Variants in CREB5 observed in about 807,000 individuals in gnomAD.
CREB5 encodes the protein cAMP responsive element binding protein 5.
CREB5 carries 19 observed loss-of-function variants against 57.1 expected under a neutral mutation model. The observed-to-expected ratio is 0.33, with a 90% CI of 0.23 to 0.49. The LOEUF (loss-of-function observed/expected upper bound fraction) is 0.49, where lower values mean the gene tolerates loss of function less well. CREB5 is among the 20% of genes least tolerant of loss of function. The probability of loss-of-function intolerance (pLI) is 0.99; values close to 1 mark genes in which losing one functional copy is unlikely to be tolerated. For missense variants in CREB5, 579 were observed against 671.6 expected, an observed-to-expected ratio of 0.86 and a Z score of 1.52; for synonymous variants, 238 against 238.3, an observed-to-expected ratio of 1.00 and a Z score of 0.01.
intron 6 of CREB5, among the ~76,000 whole-genome samples, chr7:28,720,867 AT>A (rs1802996074): frequency 6.6e-6 from 1 of 152,190 alleles, no homozygotes; most frequent in Non-Finnish European, 1.5e-5. Flanking sequence ...GCCCAGAAAA[AT>A]ACCACTGCAG....
intron 1 of CREB5, among the ~76,000 whole-genome samples, chr7:28,464,290 G>A (rs756981658): frequency 3.3e-5 from 5 of 152,058 alleles, no homozygotes; most frequent in African/African-American, 4.8e-5. Context: ...AAATATTGCT[G>A]TGTATTTTCT....
intron 1 of CREB5, among the ~76,000 whole-genome samples, chr7:28,391,646 A>T (rs1383800899): frequency 6.6e-6 from 1 of 152,178 alleles, no homozygotes; most frequent in Non-Finnish European, 1.5e-5. Flanking sequence ...GGTGACAGCC[A>T]CCTATATAAT....
intron 4 of CREB5, among the ~76,000 whole-genome samples, chr7:28,537,810 T>G (rs780757951): frequency 1.3e-5 from 2 of 152,194 alleles, no homozygotes; most frequent in Non-Finnish European, 2.9e-5. Context: ...CTTTTTGGCA[T>G]CCATTCTTTG....
intron 7 of CREB5, among the ~76,000 whole-genome samples, chr7:28,759,579 G>A (rs1805531054): frequency 6.6e-6 from 1 of 152,142 alleles, no homozygotes; most frequent in Non-Finnish European, 1.5e-5. Flanking sequence ...TTAAATGAGG[G>A]CTTAGTTTTC....
intron 5 of CREB5, among the ~76,000 whole-genome samples, chr7:28,590,211 A>G (rs1562815865): frequency 6.6e-6 from 1 of 152,180 alleles, no homozygotes; most frequent in Admixed American, 6.5e-5. Flanking sequence ...TCATGCTGCT[A>G]TAAAGACACA....
intron 7 of CREB5, among the ~76,000 whole-genome samples, chr7:28,741,825 TG>T (rs1182913985): frequency 6.6e-6 from 1 of 152,102 alleles, no homozygotes; most frequent in African/African-American, 2.4e-5. Context: ...CCCAGCACTT[TG>T]GGAGGCCAAT....
chr7:28,730,512 G>A (rs1583628610), intron 7 of CREB5, among the ~76,000 whole-genome samples: 3 of 152,056 alleles, frequency 2.0e-5, no homozygotes, highest in Admixed American at 6.5e-5. Context: ...CTTATTTTAC[G>A]AGTGAATAAA....
chr7:28,622,551 G>T (rs1322784081), intron 5 of CREB5, among the ~76,000 whole-genome samples: 1 of 152,184 alleles, frequency 6.6e-6, no homozygotes, highest in African/African-American at 2.4e-5. Flanking sequence ...TTAAAATTGT[G>T]TTCTGTGTAC....
At chr7:28,381,870 C>T (rs927699367) in intron 1 of CREB5, among the ~76,000 whole-genome samples, 1 of 152,120 alleles carries the variant, frequency 6.6e-6, no homozygotes, top group Non-Finnish European at 1.5e-5. Flanking sequence ...ACAGAACTGA[C>T]AGGATATTTA....
At chr7:28,670,893 A>C (rs1800010352) in intron 5 of CREB5, among the ~76,000 whole-genome samples, 1 of 152,176 alleles carries the variant, frequency 6.6e-6, no homozygotes, top group Non-Finnish European at 1.5e-5. Context: ...ACAGGGTCTC[A>C]CTATGTTGCC....
At chr7:28,789,752 T>C (rs1249347198) in intron 7 of CREB5, among the ~76,000 whole-genome samples, 1 of 152,150 alleles carries the variant, frequency 6.6e-6, no homozygotes, top group Non-Finnish European at 1.5e-5. Flanking sequence ...GCAATGAGTA[T>C]CAGTTTCATC....
At chr7:28,732,614 T>G (rs1803712689) in intron 7 of CREB5, among the ~76,000 whole-genome samples, 1 of 152,194 alleles carries the variant, frequency 6.6e-6, no homozygotes, top group Admixed American at 6.5e-5. Context: ...AGAGATATAT[T>G]TTGGTCATTT....
chr7:28,736,617 G>A (rs1486995352), intron 7 of CREB5, among the ~76,000 whole-genome samples: 1 of 152,096 alleles, frequency 6.6e-6, no homozygotes, highest in Non-Finnish European at 1.5e-5. Context: ...TGGCCAACAA[G>A]GATTTGAACC....
chr7:28,590,643 G>A lies in CREB5; in HGVS notation c.464+20106G>A, dbSNP rs536454895. On this transcript the variant is annotated intron_variant, in intron 5 of 10. Transcript: ENST00000357727. ...GTATACATGTGTAACAAACCTGCAC[G>A]TTGTGCGCATGTACCCTGGAACTTA... Among the ~76,000 whole-genome samples the A allele has an allele frequency of 3.3e-5, 5 of 150,344 alleles. No individual in the cohort carries two copies. In the East Asian group the frequency reaches 5.9e-4, roughly 18 times the overall value.
At chr7:28,682,086 T>G (rs1800624202) in intron 5 of CREB5, among the ~76,000 whole-genome samples, 1 of 152,198 alleles carries the variant, frequency 6.6e-6, no homozygotes, top group African/African-American at 2.4e-5. Flanking sequence ...CAAATAGGTT[T>G]TGACACAGGA....
intron 1 of CREB5, among the ~76,000 whole-genome samples, chr7:28,347,416 G>A (rs935134089): frequency 6.6e-6 from 1 of 152,178 alleles, no homozygotes; most frequent in South Asian, 2.1e-4. Context: ...TTTAGATTGA[G>A]TTCAAGAATA....
rs546568339 is a variant in CREB5 at position 28,819,656 on chromosome 7, A to G, written c.*377A>G. On this transcript the variant is annotated 3_prime_UTR_variant, in exon 11 of 11. Transcript: ENST00000357727. The stretch of plus-strand genomic sequence containing the variant: ...TTTAGCTAAAATGAGGTATACCTAG[A>G]TGTCAAGTAAGACAGATCCAAGGTA... 2 of 166,638 alleles carry G rather than the reference A, an allele frequency of 1.2e-5. No individual in the cohort carries two copies. The highest frequency in any genetic ancestry group is 4.8e-5 in the African/African-American group (2 of 41,742). The allele number at this position is 166,638 out of a possible 1,614,324, so 10.3% of individuals were successfully genotyped here.
rs142940298 is a variant in CREB5 at position 28,691,077 on chromosome 7, G to A, written c.465-27676G>A. ...AACAAGAAAATAAAGTGAGATGGAGGTGAGTGAATTCAGTTATGAGAACTG... is the reference window on the plus strand; with the variant it reads ...AACAAGAAAATAAAGTGAGATGGAGATGAGTGAATTCAGTTATGAGAACTG... On this transcript the variant is annotated intron_variant, in intron 5 of 10. Transcript: ENST00000357727. Among the ~76,000 whole-genome samples, 823 of 152,308 alleles carry A rather than the reference G, an allele frequency of 5.4e-3. 11 individuals carry two copies. The highest frequency in any genetic ancestry group is 0.019 in the African/African-American group (777 of 41,550).
chr7:28,718,501 A>G (rs948430435), intron 5 of CREB5, among the ~76,000 whole-genome samples: 2 of 152,234 alleles, frequency 1.3e-5, no homozygotes, highest in Admixed American at 6.5e-5. Flanking sequence ...GCTTGTTTCT[A>G]TTGAACATCA....
Sources: gnomAD v4.1 joint callset for allele counts (sites outside exome capture counted in the v4.1 genomes callset) on GRCh38, gnomAD v4.1.1 for gene constraint, MANE v1.5 for transcripts, NCBI Gene and HGNC (gene_info 2026-07-23, HGNC 2026-07-21) for gene names.